RNF216: variants seen among roughly 807,000 people sequenced by gnomAD.
RNF216 encodes the protein ring finger protein 216.
Under a neutral mutation model 110.8 loss-of-function variants are expected in RNF216, and 72 were observed. The observed-to-expected ratio is 0.65, with a 90% CI of 0.54 to 0.79. The LOEUF is 0.79. Among genes scored for constraint, RNF216 ranks in the 30% least tolerant of loss-of-function variants. The pLI is 0.00. For missense variants in RNF216, 1,342 were observed against 1,141.2 expected (o/e 1.18, Z -2.54); for synonymous variants, 495 against 407.5 (o/e 1.21, Z -2.59).
At chr7:5,625,749 T>C (rs1786667494) in intron 15 of RNF216, among the ~76,000 whole-genome samples, 1 of 152,248 alleles carries the variant, frequency 6.6e-6, no homozygotes, top group Non-Finnish European at 1.5e-5. Context: ...GAAAGGCAGA[T>C]GGACTGAGTA....
At chr7:5,759,579 TTCCAG>T (rs567955180) in intron 2 of RNF216, among the ~76,000 whole-genome samples, 2 of 151,998 alleles carry the variant, frequency 1.3e-5, no homozygotes, top group African/African-American at 2.4e-5. Flanking sequence ...TCAGTAAGGC[TTCCAG>T]TCAACAGTAG....
intron 13 of RNF216, among the ~76,000 whole-genome samples, chr7:5,678,726 T>C (rs973183985): frequency 6.6e-6 from 1 of 152,258 alleles, no homozygotes; most frequent in Non-Finnish European, 1.5e-5. Flanking sequence ...CAGGAAACCC[T>C]GCACTGTGAG....
intron 13 of RNF216, among the ~76,000 whole-genome samples, chr7:5,693,236 G>T (rs940741904): frequency 6.6e-6 from 1 of 152,150 alleles, no homozygotes; most frequent in East Asian, 1.9e-4. Flanking sequence ...TTACTTTCAC[G>T]CTATAAAGGC....
intron 3 of RNF216, among the ~76,000 whole-genome samples, chr7:5,750,865 C>A (rs1795291114): frequency 6.6e-6 from 1 of 152,206 alleles, no homozygotes; most frequent in African/African-American, 2.4e-5. Flanking sequence ...TTAATTTAAC[C>A]CAGTCATGGG....
At chr7:5,630,816 T>C (rs1217913207) in intron 15 of RNF216, among the ~76,000 whole-genome samples, 5 of 152,318 alleles carry the variant, frequency 3.3e-5, no homozygotes, top group Non-Finnish European at 5.9e-5. Context: ...CACAGCTCCC[T>C]GAGTCAGGCA....
chr7:5,757,210 A>G (rs1030280188), intron 2 of RNF216, among the ~76,000 whole-genome samples: 3 of 152,204 alleles, frequency 2.0e-5, no homozygotes, highest in African/African-American at 7.2e-5. Flanking sequence ...AAAAATCCCC[A>G]CTATAATGGT....
chr7:5,751,827 TAAAAAAAAAAA>T (rs3075700), intron 3 of RNF216, among the ~76,000 whole-genome samples: 1 of 37,276 alleles, frequency 2.7e-5, no homozygotes, highest in African/African-American at 1.2e-4. Flanking sequence ...ATCTTTAAAC[TAAAAAAAAAAA>T]AAAAAAAAAA....
chr7:5,740,189 C>T (rs1031898440), intron 4 of RNF216, among the ~76,000 whole-genome samples: 8 of 142,340 alleles, frequency 5.6e-5, no homozygotes, highest in Non-Finnish European at 1.2e-4. Context: ...TGCAGTGGCA[C>T]GATCCTGACT....
chr7:5,623,939 G>A (rs1786549436), intron 16 of RNF216, 117 bp downstream of exon 16: 1 of 834,232 alleles, frequency 1.2e-6, no homozygotes, highest in Admixed American at 2.6e-5. Context: ...CCACCTGAGG[G>A]ACAGCACCCC....
intron 15 of RNF216, among the ~76,000 whole-genome samples, chr7:5,638,267 A>G (rs926441330): frequency 6.6e-6 from 1 of 152,224 alleles, no homozygotes; most frequent in African/African-American, 2.4e-5. Context: ...TACAATTCTA[A>G]TGTAAGCATA....
Position 5,748,605 on chromosome 7 carries a change from TATACATACACAC to T in RNF216, c.201+4229_201+4240del, listed in dbSNP as rs1254530824. 7.6e-3 allele frequency among the ~76,000 whole-genome samples: 883 copies of T among 116,028 alleles called. 8 individuals carry two copies. Among genetic ancestry groups the T allele is most frequent in the South Asian group, 0.011 (39 of 3,398 alleles). The allele number at this position is 116,028 out of a possible 152,430, so 76.1% of individuals were successfully genotyped here. On this transcript the variant is annotated intron_variant, in intron 3 of 16. Coordinates refer to ENST00000389902, the MANE Select transcript of RNF216 (RefSeq NM_207111.4). ...TTATAAGAATGCAGTATATTTTTTA[TATACATACACAC>T]ACACACACACACACACACACACACA...
chr7:5,716,582 T>G, intron 10 of RNF216, 134 bp downstream of exon 10: 1 of 631,248 alleles, frequency 1.6e-6, no homozygotes, highest in Non-Finnish European at 2.8e-6. Context: ...TGACTATAAC[T>G]TGGCTGAACT....
At chr7:5,734,222 GA>G (rs950341709) in intron 5 of RNF216, among the ~76,000 whole-genome samples, 26 of 152,230 alleles carry the variant, frequency 1.7e-4, no homozygotes, top group African/African-American at 5.8e-4. Flanking sequence ...ATCAAAAGTA[GA>G]TGGAAAATTT....
In RNF216 at chr7:5,631,712, TA is replaced by T. The variant is rs1229162562; in HGVS notation, c.2383-7588del. Among the ~76,000 whole-genome samples, 5 of 152,264 alleles carry T rather than the reference TA, an allele frequency of 3.3e-5. No homozygotes were observed. The South Asian group carries it at 6.2e-4, about 19-fold the overall frequency. On this transcript the variant is annotated intron_variant, in intron 15 of 16. Transcript: ENST00000389902. Reference sequence around the variant, plus strand: ...ATTTCTTTTCCTTATACATATTGATTAAAACAATCTTGGGAAACATTGAACA... The same window carrying T: ...ATTTCTTTTCCTTATACATATTGATTAAACAATCTTGGGAAACATTGAACA...
At chr7:5,669,286 T>G (rs1789743965) in intron 13 of RNF216, among the ~76,000 whole-genome samples, 1 of 152,124 alleles carries the variant, frequency 6.6e-6, no homozygotes, top group Non-Finnish European at 1.5e-5. Context: ...AGGTCTTGGT[T>G]TTGCTGATCC....
At chr7:5,762,211 A>G (rs1795970970) in intron 1 of RNF216, among the ~76,000 whole-genome samples, 1 of 152,174 alleles carries the variant, frequency 6.6e-6, no homozygotes, top group African/African-American at 2.4e-5. Flanking sequence ...TTTAAAATAC[A>G]TTAAATTTAA....
chr7:5,681,628 G>A (rs377569454), intron 13 of RNF216, among the ~76,000 whole-genome samples: 37 of 152,288 alleles, frequency 2.4e-4, no homozygotes, highest in African/African-American at 8.7e-4. Context: ...TCTTGCTTAG[G>A]AAGTGTCAAG....
At position 5,741,047 on chromosome 7, in the gene RNF216, T is replaced by C. The variant is rs1029182217; in HGVS notation, c.970A>G (p.Asn324Asp). 6.2e-7 allele frequency: 1 copy of C among 1,614,116 alleles called. No homozygotes were observed. The highest frequency in any genetic ancestry group is 1.1e-5 in the South Asian group (1 of 91,056). ...AFPMQESQEP[N>D]LENIWGQEAA... ...TCTTGCCCCCAAATGTTTTCCAAAT[T>C]GGGCTCTTGAGATTCTTGCATTGGA... is the stretch of plus-strand genomic sequence containing the variant. Residue 324 changes from asparagine to aspartate, a missense_variant, in exon 4 of 17, where the codon AAT (asparagine) becomes GAT (aspartate). By Grantham distance (23) the Asn-to-Asp change is conservative (BLOSUM62 1). Coordinates refer to ENST00000389902, the MANE Select transcript of RNF216 (RefSeq NM_207111.4).
At chr7:5,667,192 G>A (rs852415) in intron 13 of RNF216, among the ~76,000 whole-genome samples, 27,742 of 152,068 alleles carry the variant, frequency 0.18, 4,686 homozygotes, top group African/African-American at 0.45. Flanking sequence ...TTTAAAGTTA[G>A]AACAAAAATA....
Sources: allele counts gnomAD v4.1 joint callset (sites outside exome capture counted in the v4.1 genomes callset), GRCh38; gene constraint gnomAD v4.1.1; transcripts MANE v1.5; gene names NCBI Gene and HGNC (gene_info 2026-07-23, HGNC 2026-07-21).